GCH1: variants seen among roughly 807,000 people sequenced by gnomAD.
GCH1 encodes the protein GTP cyclohydrolase 1.
In GCH1, 5 loss-of-function variants were observed where a neutral mutation model predicts 25.9. The observed-to-expected ratio is 0.19, with a 90% CI of 0.10 to 0.41. The LOEUF is 0.41. Ranked by LOEUF, GCH1 falls within the 10% of genes least tolerant of loss-of-function variation. The pLI, the probability that GCH1 is intolerant of heterozygous loss-of-function variation, is 1.00. For synonymous variants in GCH1, 159 were observed against 129.6 expected (o/e 1.23, Z -1.54); for missense variants, 261 against 336.5 (o/e 0.78, Z 1.75).
intron 3 of GCH1, among the ~76,000 whole-genome samples, chr14:54,852,606 C>T (rs1377396949): frequency 6.6e-6 from 1 of 152,216 alleles, no homozygotes; most frequent in African/African-American, 2.4e-5. Context: ...TCCACACAGA[C>T]AGTGGGTCCC....
chr14:54,871,390 G>A (rs1487529067), intron 1 of GCH1, among the ~76,000 whole-genome samples: 2 of 152,112 alleles, frequency 1.3e-5, no homozygotes, highest in Non-Finnish European at 2.9e-5. Flanking sequence ...AAACCACAAA[G>A]ACAGGGAAAA....
intron 1 of GCH1, among the ~76,000 whole-genome samples, chr14:54,893,011 A>G (rs1342452664): frequency 6.6e-6 from 1 of 152,168 alleles, no homozygotes; most frequent in Non-Finnish European, 1.5e-5. Flanking sequence ...CCTGGGCGGC[A>G]GAGGTTTCAG....
At chr14:54,889,294 G>A (rs1171265877) in intron 1 of GCH1, among the ~76,000 whole-genome samples, 3 of 152,178 alleles carry the variant, frequency 2.0e-5, no homozygotes, top group South Asian at 2.1e-4. Context: ...CTCCAGGCAC[G>A]CATAGCCCTT....
At chr14:54,877,638 C>G (rs1219070337) in intron 1 of GCH1, among the ~76,000 whole-genome samples, 1 of 152,240 alleles carries the variant, frequency 6.6e-6, no homozygotes, top group Non-Finnish European at 1.5e-5. Context: ...GGATTACAGG[C>G]GCAAGCCACC....
chr14:54,870,514 G>A (rs2040056723), intron 1 of GCH1, among the ~76,000 whole-genome samples: 1 of 152,088 alleles, frequency 6.6e-6, no homozygotes, highest in African/African-American at 2.4e-5. Context: ...CAGGACAGGG[G>A]GTGCAGCGCA....
At chr14:54,901,806 CA>C (rs1029449515) in intron 1 of GCH1, among the ~76,000 whole-genome samples, 1 of 152,026 alleles carries the variant, frequency 6.6e-6, no homozygotes, top group African/African-American at 2.4e-5. Flanking sequence ...GATCCCCTGG[CA>C]AATCAGTGGG....
At chr14:54,876,063 C>T (rs2040154993) in intron 1 of GCH1, among the ~76,000 whole-genome samples, 1 of 152,158 alleles carries the variant, frequency 6.6e-6, no homozygotes, top group South Asian at 2.1e-4. Context: ...TTTACCGTGG[C>T]ACTATTCACA....
At chr14:54,881,767 T>C (rs1479540638) in intron 1 of GCH1, among the ~76,000 whole-genome samples, 1 of 152,234 alleles carries the variant, frequency 6.6e-6, no homozygotes, top group African/African-American at 2.4e-5. Flanking sequence ...AAAGTTTGGT[T>C]ATTTTGGAAA....
intron 2 of GCH1, among the ~76,000 whole-genome samples, chr14:54,864,229 T>C (rs2039960353): frequency 1.3e-5 from 2 of 152,132 alleles, no homozygotes; most frequent in Admixed American, 1.3e-4. Context: ...TATCTATATA[T>C]TATTTCCATA....
chr14:54,884,509 C>A (rs1005730817), intron 1 of GCH1, among the ~76,000 whole-genome samples: 2 of 152,138 alleles, frequency 1.3e-5, no homozygotes, highest in Admixed American at 6.5e-5. Context: ...GTGGCTCACG[C>A]CTATAATCCC....
At chr14:54,898,787 T>C (rs904800416) in intron 1 of GCH1, among the ~76,000 whole-genome samples, 1 of 152,122 alleles carries the variant, frequency 6.6e-6, no homozygotes, top group African/African-American at 2.4e-5. Flanking sequence ...ATCTGGCTAA[T>C]TTTTACATGT....
At chr14:54,875,875 A>G (rs1406784758) in intron 1 of GCH1, among the ~76,000 whole-genome samples, 1 of 152,246 alleles carries the variant, frequency 6.6e-6, no homozygotes, top group Admixed American at 6.5e-5. Context: ...GTGGAGAAAC[A>G]GGAACACTTT....
intron 1 of GCH1, among the ~76,000 whole-genome samples, chr14:54,897,004 C>CTTTTTTTTTTTTTT (rs1264967638): frequency 8.6e-6 from 1 of 115,940 alleles, no homozygotes; most frequent in Non-Finnish European, 1.6e-5. Flanking sequence ...TTCTACTCCA[C>CTTTTTTTTTTTTTT]TTTTTGTTTT....
rs759592336 is a variant in GCH1 at position 54,843,889 on chromosome 14, T to C, written c.*128A>G. The C allele has an allele frequency of 1.9e-6, 3 of 1,607,238 alleles. No individual in the cohort carries two copies. The highest frequency in any genetic ancestry group is 2.7e-5 in the African/African-American group (2 of 74,666). ...GACTTCCTAGAAATAATTTTAAATA[T>C]AATTAGTGACAAGGAATAAAGTTCA... On this transcript the variant is annotated 3_prime_UTR_variant, in exon 6 of 6. Coordinates refer to ENST00000491895, the MANE Select transcript of GCH1 (RefSeq NM_000161.3).
chr14:54,873,352 G>A (rs1011975291), intron 1 of GCH1, among the ~76,000 whole-genome samples: 2 of 152,208 alleles, frequency 1.3e-5, no homozygotes, highest in Non-Finnish European at 1.5e-5. Context: ...GCAGTGTGTA[G>A]AGGGAAATTT....
chr14:54,874,547 C>A (rs1249857205), intron 1 of GCH1, among the ~76,000 whole-genome samples: 1 of 152,182 alleles, frequency 6.6e-6, no homozygotes, highest in Admixed American at 6.6e-5. Context: ...AAGAGGAAGT[C>A]AAATGGTCCC....
rs554593370 is a variant in GCH1 at position 54,875,870 on chromosome 14, G to A, written c.344-10434C>T. On this transcript the variant is annotated intron_variant, in intron 1 of 5. Coordinates refer to ENST00000491895, the MANE Select transcript of GCH1 (RefSeq NM_000161.3). ...CAACAGGTGCTGGAGAGAATGTGGA[G>A]AAACAGGAACACTTTTACACTGTTA... 5.3e-5 allele frequency among the ~76,000 whole-genome samples: 8 copies of A among 152,336 alleles called. No homozygotes were observed. In the South Asian group the frequency reaches 1.7e-3, roughly 32 times the overall value.
In GCH1 at chr14:54,850,305, CTT is replaced by C. The variant is rs763310228; in HGVS notation, c.510-3177_510-3176del. Among the ~76,000 whole-genome samples, 595 of 117,016 alleles carry C rather than the reference CTT, an allele frequency of 5.1e-3. 3 individuals are homozygous for C. Among genetic ancestry groups the C allele is most frequent in the Non-Finnish European group, 8.2e-3 (463 of 56,410 alleles). 76.8% of individuals were successfully genotyped at this position (117,016 alleles called of 152,430 possible). On this transcript the variant is annotated intron_variant, in intron 3 of 5. Transcript: ENST00000491895. The stretch of plus-strand genomic sequence containing the variant: ...CAATTTTTTTATATATAAGTAGGTT[CTT>C]TTTTTTTTTTTTTTTTTCCCCCGAG...
At chr14:54,856,377 C>A (rs994080237) in intron 3 of GCH1, among the ~76,000 whole-genome samples, 5 of 152,196 alleles carry the variant, frequency 3.3e-5, no homozygotes, top group Non-Finnish European at 5.9e-5. Flanking sequence ...CAGTGCCCAC[C>A]CAACAGGTCA....
Sources: gnomAD v4.1 joint callset for allele counts (sites outside exome capture counted in the v4.1 genomes callset) on GRCh38, gnomAD v4.1.1 for gene constraint, MANE v1.5 for transcripts, NCBI Gene and HGNC (gene_info 2026-07-23, HGNC 2026-07-21) for gene names.